Variants in MSR1 observed in about 807,000 individuals in gnomAD.
MSR1 encodes the protein macrophage scavenger receptor types I and II.
Under a neutral mutation model 47.2 loss-of-function variants are expected in MSR1, and 53 were observed. The ratio of observed to expected loss-of-function variants is 1.12; its 90% CI spans 0.90 to 1.41. MSR1 has a LOEUF of 1.41. Ranked by LOEUF, MSR1 falls within the 40% of genes most tolerant of loss-of-function variation. The probability of loss-of-function intolerance (pLI) is 0.00; values close to 1 mark genes in which losing one functional copy is unlikely to be tolerated. For synonymous variants in MSR1, 239 were observed against 185.6 expected (o/e 1.29, Z -2.34); for missense variants, 786 against 546.9 (o/e 1.44, Z -4.36).
intron 5 of MSR1, among the ~76,000 whole-genome samples, chr8:16,159,281 A>G (rs1200344200): frequency 6.6e-6 from 1 of 151,766 alleles, no homozygotes; most frequent in East Asian, 1.9e-4. Flanking sequence ...AGCTATTCTC[A>G]CCACAGAGTC....
chr8:16,142,451 A>C (rs1461117788), intron 8 of MSR1, among the ~76,000 whole-genome samples: 1 of 152,170 alleles, frequency 6.6e-6, no homozygotes, highest in East Asian at 1.9e-4. Flanking sequence ...TATTGTTTTA[A>C]TATAACAGTA....
At chr8:16,191,936 T>C (rs945209173) in intron 1 of MSR1, among the ~76,000 whole-genome samples, 11 of 152,212 alleles carry the variant, frequency 7.2e-5, no homozygotes, top group African/African-American at 1.9e-4. Context: ...TATATTTTCA[T>C]AGTAATTATC....
chr8:16,169,066 T>C (rs1238487098), intron 3 of MSR1, among the ~76,000 whole-genome samples, 196 bp from the exon 4 acceptor site: 1 of 152,170 alleles, frequency 6.6e-6, no homozygotes, highest in Admixed American at 6.5e-5. Flanking sequence ...GCATACATTC[T>C]CCCTTTCCTA....
At chr8:16,175,588 A>C (rs1348636133) in intron 2 of MSR1, among the ~76,000 whole-genome samples, 1 of 152,202 alleles carries the variant, frequency 6.6e-6, no homozygotes, top group Non-Finnish European at 1.5e-5. Flanking sequence ...CAGCTGGTAA[A>C]TTTTAATATC....
At chr8:16,140,159 C>T (rs1800515362) in intron 8 of MSR1, 1 of 984,832 alleles carries the variant, frequency 1.0e-6, no homozygotes, top group Non-Finnish European at 1.2e-6. Flanking sequence ...ATATAAAGAA[C>T]TCTCATATTA....
intron 3 of MSR1, among the ~76,000 whole-genome samples, chr8:16,172,934 A>C (rs1801529310): frequency 6.6e-6 from 1 of 152,150 alleles, no homozygotes; most frequent in South Asian, 2.1e-4. Flanking sequence ...GTAATTTTTT[A>C]TGCCAAGTAG....
chr8:16,153,784 T>C (rs1156769710), intron 6 of MSR1, among the ~76,000 whole-genome samples: 1 of 151,968 alleles, frequency 6.6e-6, no homozygotes, highest in Non-Finnish European at 1.5e-5. Flanking sequence ...GAGGGGGTGA[T>C]AGACCCTTGA....
At chr8:16,186,817 T>G (rs774665615) in intron 1 of MSR1, among the ~76,000 whole-genome samples, 2 of 134,254 alleles carry the variant, frequency 1.5e-5, no homozygotes, top group African/African-American at 6.1e-5. Flanking sequence ...TCTTACTATG[T>G]TGCCCAGGCT....
intron 3 of MSR1, among the ~76,000 whole-genome samples, chr8:16,174,428 C>A (rs1037862108): frequency 6.6e-6 from 1 of 152,104 alleles, no homozygotes; most frequent in South Asian, 2.1e-4. Context: ...CAAAATGCTA[C>A]GCGGGGAATA....
chr8:16,188,853 T>C (rs768387852), intron 1 of MSR1, among the ~76,000 whole-genome samples: 10 of 151,834 alleles, frequency 6.6e-5, no homozygotes, highest in African/African-American at 2.2e-4. Context: ...ATCTTTTTTA[T>C]GGCTGCATAG....
At chr8:16,166,894 G>A (rs1801327202) in intron 4 of MSR1, among the ~76,000 whole-genome samples, 1 of 151,506 alleles carries the variant, frequency 6.6e-6, no homozygotes, top group African/African-American at 2.4e-5. Context: ...TTCAAGCAAT[G>A]GGGATGAGCG....
intron 8 of MSR1, among the ~76,000 whole-genome samples, chr8:16,122,868 A>C (rs988595390): frequency 1.9e-5 from 2 of 107,814 alleles, no homozygotes; most frequent in Non-Finnish European, 3.4e-5. Flanking sequence ...TTTTTTTGAG[A>C]CGGAGTCTTG....
chr8:16,124,360 G>A (rs999306578), intron 8 of MSR1, among the ~76,000 whole-genome samples: 21 of 152,264 alleles, frequency 1.4e-4, no homozygotes, highest in Admixed American at 1.2e-3. Flanking sequence ...GGGAATCCCT[G>A]GTAGAATTAC....
chr8:16,135,434 A>T (rs1171533485), intron 8 of MSR1, among the ~76,000 whole-genome samples: 2 of 152,116 alleles, frequency 1.3e-5, no homozygotes, highest in Non-Finnish European at 2.9e-5. Flanking sequence ...GAATATTTTA[A>T]TCTTACTGTT....
chr8:16,123,865 C>G (rs544222530), intron 8 of MSR1, among the ~76,000 whole-genome samples: 1 of 152,122 alleles, frequency 6.6e-6, no homozygotes, highest in Non-Finnish European at 1.5e-5. Flanking sequence ...CCCGAATCTG[C>G]TTAGGAGTCT....
At chr8:16,128,447 A>G (rs1426905201) in intron 8 of MSR1, among the ~76,000 whole-genome samples, 4 of 152,156 alleles carry the variant, frequency 2.6e-5, no homozygotes, top group Admixed American at 6.5e-5. Context: ...TGAAGTCACA[A>G]TGAGAAGGGG....
At chr8:16,127,116 T>A (rs1159865442) in intron 8 of MSR1, among the ~76,000 whole-genome samples, 1 of 152,180 alleles carries the variant, frequency 6.6e-6, no homozygotes, top group Non-Finnish European at 1.5e-5. Flanking sequence ...GTTTCTCAAC[T>A]ACTTTGTGCT....
At chr8:16,123,443 T>C (rs1800053265) in intron 8 of MSR1, among the ~76,000 whole-genome samples, 1 of 152,180 alleles carries the variant, frequency 6.6e-6, no homozygotes. Flanking sequence ...TCTCTGAAAG[T>C]AGCTAATTCA....
Position 16,168,720 on chromosome 8 carries a change from T to C in MSR1, c.368A>G (p.Lys123Arg), listed in dbSNP as rs767898871. ...VFMEHMSNME[K>R]RIQHILDMEA... ...CATGTCTAAAATATGCTGGATTCTCTTCTCCATGTTGCTCATGTGTTCCAT... is the reference window on the plus strand; with the variant it reads ...CATGTCTAAAATATGCTGGATTCTCCTCTCCATGTTGCTCATGTGTTCCAT... The change falls in exon 4 of 10, where the codon AAG (lysine) becomes AGG (arginine). Residue 123 changes from lysine to arginine, a missense_variant. Coordinates refer to ENST00000262101, the MANE Select transcript of MSR1 (RefSeq NM_138715.3). 5.0e-6 allele frequency: 8 copies of C among 1,614,078 alleles called. No individual in the cohort carries two copies. The highest frequency in any genetic ancestry group is 2.7e-5 in the African/African-American group (2 of 74,944).
Sources: allele counts gnomAD v4.1 joint callset (sites outside exome capture counted in the v4.1 genomes callset), GRCh38; gene constraint gnomAD v4.1.1; transcripts MANE v1.5; gene names NCBI Gene and HGNC (gene_info 2026-07-23, HGNC 2026-07-21).